The following MTRF1 variants were observed in gnomAD, a reference collection of about 807,000 sequenced individuals.
MTRF1 encodes the protein peptide chain release factor 1, mitochondrial.
MTRF1 carries 51 observed loss-of-function variants against 62.9 expected under a neutral mutation model. That is an observed-to-expected ratio of 0.81 (90% CI 0.65 to 1.02). The LOEUF is 1.02. Ranked by LOEUF, MTRF1 falls within the 50% of genes least tolerant of loss-of-function variation. The pLI, the probability that MTRF1 is intolerant of heterozygous loss-of-function variation, is 0.00. For missense variants in MTRF1, 446 were observed against 530.0 expected (o/e 0.84, Z 1.56); for synonymous variants, 158 against 181.9 (o/e 0.87, Z 1.06).
At chr13:41,231,817 G>C (rs1174165349) in intron 7 of MTRF1, among the ~76,000 whole-genome samples, 1 of 146,774 alleles carries the variant, frequency 6.8e-6, no homozygotes, top group African/African-American at 2.5e-5. Flanking sequence ...GAGGCAGGCA[G>C]ATCACTTGAG....
At chr13:41,219,302 A>T (rs1316876229) in intron 9 of MTRF1, among the ~76,000 whole-genome samples, 1 of 152,028 alleles carries the variant, frequency 6.6e-6, no homozygotes, top group African/African-American at 2.4e-5. Flanking sequence ...AAAAAAAAAA[A>T]AAAAATGTAC....
rs73473135 is a variant in MTRF1 at position 41,223,055 on chromosome 13, T to C, written c.1224+201A>G. On this transcript the variant is annotated intron_variant, in intron 9 of 9. Coordinates refer to ENST00000379480, the MANE Select transcript of MTRF1 (RefSeq NM_004294.4). ...AGAATTTGGAATTTAGAAAAGACCA[T>C]TGTTTCAAAATGGCATAAAGATCAT... 4.5e-3 allele frequency among the ~76,000 whole-genome samples: 682 copies of C among 152,326 alleles called. 5 individuals are homozygous for C. The highest frequency in any genetic ancestry group is 0.016 in the African/African-American group (659 of 41,586).
the MTRF1 span, among the ~76,000 whole-genome samples, chr13:41,305,703 C>T: frequency 6.6e-6 from 1 of 152,160 alleles, no homozygotes; most frequent in Non-Finnish European, 1.5e-5. Flanking sequence ...ACATGTGGTC[C>T]CCCACCAGGA....
the MTRF1 span, among the ~76,000 whole-genome samples, chr13:41,281,760 G>C: frequency 6.6e-6 from 1 of 152,124 alleles, no homozygotes; most frequent in Non-Finnish European, 1.5e-5. Context: ...TGCTAGAATG[G>C]AATTATTGCT....
intron 2 of MTRF1, among the ~76,000 whole-genome samples, chr13:41,259,013 A>G (rs1468355133): frequency 6.6e-6 from 1 of 152,226 alleles, no homozygotes; most frequent in Admixed American, 6.5e-5. Context: ...AAGCACCAGA[A>G]AAGATGCTCA....
At chr13:41,222,040 G>C (rs1358252136) in intron 9 of MTRF1, among the ~76,000 whole-genome samples, 2 of 152,128 alleles carry the variant, frequency 1.3e-5, no homozygotes, top group Non-Finnish European at 2.9e-5. Context: ...TATTAACCTT[G>C]TATAACTAGG....
chr13:41,230,161 T>C (rs1304126435), intron 7 of MTRF1, among the ~76,000 whole-genome samples: 1 of 151,906 alleles, frequency 6.6e-6, no homozygotes, highest in Non-Finnish European at 1.5e-5. Context: ...TTTTTATATG[T>C]ACAGAAAAGA....
At chr13:41,268,963 T>G in the MTRF1 span, among the ~76,000 whole-genome samples, 1 of 151,628 alleles carries the variant, frequency 6.6e-6, no homozygotes, top group Non-Finnish European at 1.5e-5. Flanking sequence ...TTCTTGTGAC[T>G]TACACAGACC....
intron 7 of MTRF1, chr13:41,229,282 T>A (rs1388158737): frequency 6.6e-6 from 1 of 152,246 alleles, no homozygotes; most frequent in Non-Finnish European, 1.5e-5. Flanking sequence ...CAAATCAGGG[T>A]AATTAGCACA....
At chr13:41,245,352 CA>C (rs760215596) in intron 5 of MTRF1, among the ~76,000 whole-genome samples, 6 of 151,954 alleles carry the variant, frequency 3.9e-5, no homozygotes, top group Non-Finnish European at 8.8e-5. Flanking sequence ...CAAGCCATCC[CA>C]CCTCAGCCAC....
the MTRF1 span, among the ~76,000 whole-genome samples, chr13:41,301,740 T>A: frequency 2.7e-5 from 4 of 150,090 alleles, no homozygotes; most frequent in Non-Finnish European, 1.5e-5. Context: ...AGAGTGAGAC[T>A]CCGTCTCAAA....
chr13:41,217,304 T>A (rs2274903), intron 9 of MTRF1, 76 bp from the exon 10 acceptor site: 464,074 of 828,642 alleles, frequency 0.56, 132,380 homozygotes, highest in South Asian at 0.62. Flanking sequence ...ATTTATTTAA[T>A]TTCTTTGCAG....
chr13:41,248,116 G>A (rs1363075411), intron 5 of MTRF1, among the ~76,000 whole-genome samples: 1 of 152,124 alleles, frequency 6.6e-6, no homozygotes, highest in Non-Finnish European at 1.5e-5. Context: ...TCCTCAAGGG[G>A]ACCTACACAC....
At chr13:41,253,843 T>C (rs2039383474) in intron 3 of MTRF1, among the ~76,000 whole-genome samples, 1 of 152,168 alleles carries the variant, frequency 6.6e-6, no homozygotes, top group African/African-American at 2.4e-5. Flanking sequence ...CCCTTAACTT[T>C]TCAAAAAGCC....
chr13:41,249,252 A>AT (rs1376576064), intron 5 of MTRF1, among the ~76,000 whole-genome samples: 2 of 152,134 alleles, frequency 1.3e-5, no homozygotes, highest in Non-Finnish European at 2.9e-5. Context: ...AAAGAAATCA[A>AT]TTTTTTAGGC....
chr13:41,254,456 C>T (rs555728816), intron 3 of MTRF1, 73 bp downstream of exon 3: 17 of 1,081,724 alleles, frequency 1.6e-5, no homozygotes, highest in African/African-American at 1.6e-4. Context: ...CTATGAGCAC[C>T]GAAGCAGAGT....
the MTRF1 span, among the ~76,000 whole-genome samples, chr13:41,306,345 C>T: frequency 6.6e-6 from 1 of 151,050 alleles, no homozygotes; most frequent in Admixed American, 6.6e-5. Flanking sequence ...GATCGCGCCA[C>T]TGCACTCCAG....
At chr13:41,274,903 G>A in the MTRF1 span, among the ~76,000 whole-genome samples, 4 of 151,994 alleles carry the variant, frequency 2.6e-5, no homozygotes, top group African/African-American at 4.8e-5. Flanking sequence ...ATGAGCCTCC[G>A]TGCCCGGCCT....
chr13:41,272,431 T>C, the MTRF1 span, among the ~76,000 whole-genome samples: 1 of 152,194 alleles, frequency 6.6e-6, no homozygotes, highest in South Asian at 2.1e-4. Context: ...TTTCCTCTTT[T>C]GCAGCTGTGA....
Sources: allele counts gnomAD v4.1 joint callset (sites outside exome capture counted in the v4.1 genomes callset), GRCh38; gene constraint gnomAD v4.1.1; transcripts MANE v1.5; gene names NCBI Gene and HGNC (gene_info 2026-07-23, HGNC 2026-07-21).